Variants in LIPA observed in about 807,000 individuals in gnomAD.
The protein encoded by LIPA is lipase A, lysosomal acid type.
In LIPA, 26 loss-of-function variants were observed where a neutral mutation model predicts 40.6. That is an observed-to-expected ratio of 0.64 (90% CI 0.47 to 0.89). The LOEUF (loss-of-function observed/expected upper bound fraction) is 0.89. Ranked by LOEUF, LIPA falls within the 40% of genes least tolerant of loss-of-function variation. The pLI is 0.00. For missense variants in LIPA, 455 were observed against 479.6 expected, an observed-to-expected ratio of 0.95 and a Z score of 0.48; for synonymous variants, 188 against 168.4, an observed-to-expected ratio of 1.12 and a Z score of -0.90.
intron 2 of LIPA, among the ~76,000 whole-genome samples, chr10:89,350,324 T>TTTTTTTTTTTTGTG (rs1384771963): frequency 6.6e-6 from 1 of 151,370 alleles, no homozygotes; most frequent in Non-Finnish European, 1.5e-5. Context: ...CCTTTTTTTT[T>TTTTTTTTTTTTGTG]AAGACGGAGT....
chr10:89,401,784 A>G (rs1256457366), intron 2 of LIPA, among the ~76,000 whole-genome samples: 1 of 58,632 alleles, frequency 1.7e-5, no homozygotes, highest in African/African-American at 1.3e-4. Flanking sequence ...CAAGTAAAAA[A>G]AAAATGAAAA....
chr10:89,294,198 G>A lies in LIPA; in HGVS notation c.-1-46549C>T, dbSNP rs142119487. Among the ~76,000 whole-genome samples, 137 of 152,318 alleles carry A rather than the reference G, an allele frequency of 9.0e-4. 2 individuals carry two copies. Among genetic ancestry groups the A allele is most frequent in the Admixed American group, 3.4e-3 (52 of 15,312 alleles). ...TATGGAAAGATAAAGTCATTTACCC[G>A]CATCAAGTTTCCACTCAAAGACTGC... On this transcript the variant is annotated intron_variant, in intron 1 of 5. Coordinates refer to the LIPA transcript ENST00000282673.
chr10:89,311,773 C>T (rs1843517013), intron 1 of LIPA, among the ~76,000 whole-genome samples: 1 of 152,130 alleles, frequency 6.6e-6, no homozygotes, highest in Non-Finnish European at 1.5e-5. Context: ...ATTATTTCCA[C>T]TAGCAATGTA....
chr10:89,266,507 G>A (rs1363261117), intron 1 of LIPA, among the ~76,000 whole-genome samples: 2 of 152,164 alleles, frequency 1.3e-5, no homozygotes, highest in Non-Finnish European at 2.9e-5. Context: ...TGTGTATAAG[G>A]TGTATATGAA....
intron 1 of LIPA, among the ~76,000 whole-genome samples, chr10:89,295,841 T>C (rs1245214775): frequency 6.6e-6 from 1 of 152,234 alleles, no homozygotes; most frequent in East Asian, 1.9e-4. Flanking sequence ...TGGTTTTCCT[T>C]TTCAGTTGCT....
At chr10:89,407,672 G>A (rs1841434414) in intron 2 of LIPA, among the ~76,000 whole-genome samples, 1 of 152,104 alleles carries the variant, frequency 6.6e-6, no homozygotes, top group Admixed American at 6.6e-5. Context: ...CATTTTTGGG[G>A]CATAACATCT....
intron 1 of LIPA, among the ~76,000 whole-genome samples, chr10:89,309,518 G>A (rs967073821): frequency 2.0e-5 from 3 of 152,170 alleles, no homozygotes; most frequent in African/African-American, 7.2e-5. Flanking sequence ...TCTGGTGCCT[G>A]GGAAGGAACA....
chr10:89,333,692 A>T (rs1307876798), intron 1 of LIPA, among the ~76,000 whole-genome samples: 1 of 152,182 alleles, frequency 6.6e-6, no homozygotes, highest in Non-Finnish European at 1.5e-5. Context: ...ATAAAAATAA[A>T]GCAAAGTTTG....
intron 2 of LIPA, among the ~76,000 whole-genome samples, chr10:89,364,233 G>C (rs1454684033): frequency 6.6e-6 from 1 of 152,118 alleles, no homozygotes; most frequent in Non-Finnish European, 1.5e-5. Context: ...GCACCCCTTT[G>C]TCACTCTTGA....
intron 1 of LIPA, chr10:89,308,545 T>C (rs1407648110): frequency 6.6e-6 from 1 of 152,150 alleles, no homozygotes; most frequent in African/African-American, 2.4e-5. Context: ...TTCTGAGAAA[T>C]CACAAAATTC....
At chr10:89,372,171 T>C (rs975884563) in intron 2 of LIPA, among the ~76,000 whole-genome samples, 11 of 152,248 alleles carry the variant, frequency 7.2e-5, no homozygotes, top group African/African-American at 2.4e-4. Context: ...TTCTGTCTTA[T>C]CTGCTTTTGC....
intron 1 of LIPA, among the ~76,000 whole-genome samples, chr10:89,251,420 T>C (rs1843118599): frequency 6.6e-6 from 1 of 152,196 alleles, no homozygotes; most frequent in Non-Finnish European, 1.5e-5. Flanking sequence ...ATCCCTGCTG[T>C]CCTCGCGGTC....
At chr10:89,297,638 G>A (rs1263380429) in intron 1 of LIPA, among the ~76,000 whole-genome samples, 2 of 152,242 alleles carry the variant, frequency 1.3e-5, no homozygotes, top group Non-Finnish European at 2.9e-5. Flanking sequence ...GTCCTTTCCA[G>A]AGCCTCCTGT....
chr10:89,367,477 T>A (rs1589623536), intron 2 of LIPA, among the ~76,000 whole-genome samples: 1 of 152,244 alleles, frequency 6.6e-6, no homozygotes, highest in South Asian at 2.1e-4. Flanking sequence ...TAGTTTCCCA[T>A]TACTGGCTCA....
At chr10:89,250,899 T>A (rs770043190) in intron 1 of LIPA, among the ~76,000 whole-genome samples, 6 of 152,236 alleles carry the variant, frequency 3.9e-5, no homozygotes, top group Non-Finnish European at 5.9e-5. Flanking sequence ...TTTTCTGGGC[T>A]GTATTAACAC....
intron 2 of LIPA, among the ~76,000 whole-genome samples, chr10:89,409,029 A>G (rs1386571376): frequency 1.3e-5 from 2 of 152,244 alleles, no homozygotes; most frequent in African/African-American, 4.8e-5. Flanking sequence ...ACCATAACTA[A>G]GGGAAAGGAA....
intron 1 of LIPA, among the ~76,000 whole-genome samples, chr10:89,250,103 C>CTTTTTTTTTTTTTTTTTTTTTTTTTTTTT (rs1564767193): frequency 1.1e-5 from 1 of 94,062 alleles, no homozygotes; most frequent in Non-Finnish European, 2.0e-5. Flanking sequence ...CTTTTCTTTT[C>CTTTTTTTTTTTTTTTTTTTTTTTTTTTTT]TTTCTTTTTT....
At chr10:89,290,088 T>C (rs1221102055) in intron 1 of LIPA, among the ~76,000 whole-genome samples, 1 of 151,836 alleles carries the variant, frequency 6.6e-6, no homozygotes, top group Non-Finnish European at 1.5e-5. Context: ...TAAAAAAAAC[T>C]CAAAGATAGA....
At chr10:89,389,666 A>G (rs991405862) in intron 2 of LIPA, among the ~76,000 whole-genome samples, 2 of 152,234 alleles carry the variant, frequency 1.3e-5, no homozygotes, top group African/African-American at 4.8e-5. Context: ...GAAATGGCTT[A>G]GCATTTGTCC....
Sources: gnomAD v4.1 joint callset for allele counts (sites outside exome capture counted in the v4.1 genomes callset) on GRCh38, gnomAD v4.1.1 for gene constraint, MANE v1.5 for transcripts, NCBI Gene and HGNC (gene_info 2026-07-23, HGNC 2026-07-21) for gene names.